Variants in CHD9 observed in about 807,000 individuals in gnomAD.
CHD9 encodes chromodomain helicase DNA binding protein 9.
CHD9 carries 77 observed loss-of-function variants against 316.1 expected under a neutral mutation model. That is an observed-to-expected ratio of 0.24 (90% CI 0.20 to 0.29). The LOEUF is 0.29. Ranked by LOEUF, CHD9 falls within the 10% of genes least tolerant of loss-of-function variation. CHD9 has a pLI of 1.00. For missense variants in CHD9, 2,763 were observed against 3,438.1 expected, an observed-to-expected ratio of 0.80 and a Z score of 4.91; for synonymous variants, 1,129 against 1,158.3, an observed-to-expected ratio of 0.97 and a Z score of 0.51.
intron 16 of CHD9, among the ~76,000 whole-genome samples, chr16:53,249,036 A>C (rs1048015380): frequency 6.6e-6 from 1 of 152,164 alleles, no homozygotes; most frequent in Non-Finnish European, 1.5e-5. Flanking sequence ...CACTGTTCCC[A>C]AAAATAGTAA....
chr16:53,087,046 T>G (rs550872343), intron 1 of CHD9, among the ~76,000 whole-genome samples: 2 of 152,268 alleles, frequency 1.3e-5, no homozygotes, highest in East Asian at 3.9e-4. Context: ...ACTACGAAAC[T>G]GTCATCACTG....
At chr16:53,195,458 C>T (rs568529401) in intron 2 of CHD9, among the ~76,000 whole-genome samples, 5 of 152,254 alleles carry the variant, frequency 3.3e-5, no homozygotes, top group African/African-American at 1.2e-4. Context: ...TGTCTGGGCA[C>T]AGCTTAGATG....
intron 1 of CHD9, among the ~76,000 whole-genome samples, chr16:53,108,367 C>T (rs563529707): frequency 2.3e-4 from 35 of 151,498 alleles, no homozygotes; most frequent in African/African-American, 6.8e-4. Flanking sequence ...TAGCCAGGTG[C>T]GGTGGTGTGC....
At chr16:53,305,962 C>T (rs2055926500) in intron 31 of CHD9, among the ~76,000 whole-genome samples, 1 of 152,120 alleles carries the variant, frequency 6.6e-6, no homozygotes, top group Non-Finnish European at 1.5e-5. Flanking sequence ...GCGTAGTGCA[C>T]ACCTGTAATC....
At chr16:53,128,126 C>T (rs1475646163) in intron 1 of CHD9, among the ~76,000 whole-genome samples, 1 of 152,094 alleles carries the variant, frequency 6.6e-6, no homozygotes, top group Non-Finnish European at 1.5e-5. Flanking sequence ...TACCCAAATC[C>T]CTGTGTCCAG....
intron 1 of CHD9, among the ~76,000 whole-genome samples, chr16:53,083,941 G>T (rs1436836376): frequency 6.6e-6 from 1 of 151,786 alleles, no homozygotes; most frequent in Admixed American, 6.6e-5. Context: ...TTGAGATAGG[G>T]TCTCACTTTG....
intron 12 of CHD9, among the ~76,000 whole-genome samples, chr16:53,240,300 G>A (rs1051786753): frequency 6.6e-6 from 1 of 152,090 alleles, no homozygotes; most frequent in Non-Finnish European, 1.5e-5. Flanking sequence ...ATTTTTTATA[G>A]AAAGCACAAC....
At position 53,246,857 on chromosome 16, in the gene CHD9, A is replaced by G. The variant is rs189330911; in HGVS notation, c.3455-436A>G. 2.6e-5 allele frequency among the ~76,000 whole-genome samples: 4 copies of G among 152,216 alleles called. No individual in the cohort carries two copies. The East Asian group carries it at 7.7e-4, about 29-fold the overall frequency. ...TTCTTGTTTCCTTGTTTTGATGGCTAACAAGATGCCCATAGACACATCCAG... is the reference window on the plus strand; with the variant it reads ...TTCTTGTTTCCTTGTTTTGATGGCTGACAAGATGCCCATAGACACATCCAG... On this transcript the variant is annotated intron_variant, in intron 15 of 38. Coordinates refer to ENST00000447540, the MANE Select transcript of CHD9 (RefSeq NM_001308319.2).
At chr16:53,085,677 C>T (rs767051516) in intron 1 of CHD9, among the ~76,000 whole-genome samples, 7 of 152,180 alleles carry the variant, frequency 4.6e-5, no homozygotes, top group Non-Finnish European at 7.3e-5. Flanking sequence ...GAATCATGCC[C>T]GTGACTTTTC....
intron 27 of CHD9, among the ~76,000 whole-genome samples, chr16:53,290,205 C>T (rs1462055280): frequency 1.3e-5 from 2 of 152,018 alleles, no homozygotes; most frequent in East Asian, 1.9e-4. Context: ...AGCCAGGAGG[C>T]GGAGGTTGCA....
At chr16:53,200,911 A>G (rs2045398917) in intron 2 of CHD9, among the ~76,000 whole-genome samples, 1 of 152,196 alleles carries the variant, frequency 6.6e-6, no homozygotes, top group African/African-American at 2.4e-5. Flanking sequence ...AACAATAACC[A>G]TACCTAATAT....
intron 27 of CHD9, among the ~76,000 whole-genome samples, chr16:53,290,496 A>C: frequency 6.6e-6 from 1 of 152,082 alleles, no homozygotes; most frequent in East Asian, 1.9e-4. Context: ...AAAAAAAAAA[A>C]AGTATGAGAG....
chr16:53,263,629 G>A lies in CHD9; in HGVS notation c.4320+532G>A, dbSNP rs117687406. On this transcript the variant is annotated intron_variant, in intron 20 of 38. Transcript: ENST00000447540. ...GTCTAATAATTGTATAGAAATCAGT[G>A]TTTTTCAGTCTTACCAATTATCAAA... Among the ~76,000 whole-genome samples the A allele has an allele frequency of 4.0e-3, 607 of 152,058 alleles. 20 individuals are homozygous for A. The East Asian group carries it at 0.091, about 23-fold the overall frequency.
At chr16:53,085,532 G>T (rs551278046) in intron 1 of CHD9, among the ~76,000 whole-genome samples, 157 of 152,200 alleles carry the variant, frequency 1.0e-3, no homozygotes, top group Non-Finnish European at 1.7e-3. Context: ...GGGGCTGGGG[G>T]CTGGGTTCTT....
intron 19 of CHD9, among the ~76,000 whole-genome samples, chr16:53,260,965 T>G (rs2051031613): frequency 6.6e-6 from 1 of 152,102 alleles, no homozygotes; most frequent in Admixed American, 6.6e-5. Context: ...AAGACAAAAC[T>G]CACAAGGTTC....
chr16:53,114,611 G>A (rs2038136584), intron 1 of CHD9, among the ~76,000 whole-genome samples: 1 of 148,468 alleles, frequency 6.7e-6, no homozygotes. Context: ...TTTTTGAGAC[G>A]GAGTCTCGCT....
At chr16:53,203,786 G>A (rs2045643524) in intron 2 of CHD9, among the ~76,000 whole-genome samples, 1 of 151,890 alleles carries the variant, frequency 6.6e-6, no homozygotes, top group African/African-American at 2.4e-5. Flanking sequence ...CACTATGGGA[G>A]GCCAAGATGG....
intron 17 of CHD9, among the ~76,000 whole-genome samples, chr16:53,254,166 G>A (rs2050367395): frequency 6.6e-6 from 1 of 152,116 alleles, no homozygotes; most frequent in South Asian, 2.1e-4. Context: ...GACAGAGCAA[G>A]ACTCCATCTC....
intron 2 of CHD9, among the ~76,000 whole-genome samples, chr16:53,201,498 A>G (rs1233326351): frequency 1.3e-5 from 2 of 152,204 alleles, no homozygotes; most frequent in Non-Finnish European, 2.9e-5. Flanking sequence ...AACATAACCT[A>G]TAACACCGTT....
Sources: gnomAD v4.1 joint callset for allele counts (sites outside exome capture counted in the v4.1 genomes callset) on GRCh38, gnomAD v4.1.1 for gene constraint, MANE v1.5 for transcripts, NCBI Gene and HGNC (gene_info 2026-07-23, HGNC 2026-07-21) for gene names.